Variants in PRDM16 observed in about 807,000 individuals in gnomAD.
The protein encoded by PRDM16 is histone-lysine N-methyltransferase PRDM16.
In PRDM16, 23 loss-of-function variants were observed where a neutral mutation model predicts 110.6. That is an observed-to-expected ratio of 0.21 (90% CI 0.15 to 0.29). PRDM16 has a LOEUF of 0.29. Ranked by LOEUF, PRDM16 falls within the 10% of genes least tolerant of loss-of-function variation. The pLI is 1.00. For missense variants in PRDM16, 1,615 were observed against 1,794.3 expected (o/e 0.90, Z 1.81); for synonymous variants, 799 against 781.8 (o/e 1.02, Z -0.37).
At chr1:3,389,639 T>C (rs917065885) in intron 4 of PRDM16, among the ~76,000 whole-genome samples, 4 of 151,976 alleles carry the variant, frequency 2.6e-5, no homozygotes, top group African/African-American at 9.7e-5. Flanking sequence ...GGACTTGTGG[T>C]TTTCTATTTG....
At chr1:3,256,812 G>A (rs932518146) in intron 3 of PRDM16, among the ~76,000 whole-genome samples, 78 of 152,192 alleles carry the variant, frequency 5.1e-4, no homozygotes, top group African/African-American at 1.8e-3. Flanking sequence ...AGCCGAGATG[G>A]CACCACTGCA....
intron 1 of PRDM16, among the ~76,000 whole-genome samples, chr1:3,160,236 A>G (rs1643887279): frequency 6.6e-6 from 1 of 152,134 alleles, no homozygotes; most frequent in African/African-American, 2.4e-5. Context: ...TGTCGATTGA[A>G]TGGGCTGGGC....
chr1:3,197,492 G>A (rs1638509707), intron 2 of PRDM16, among the ~76,000 whole-genome samples: 1 of 152,266 alleles, frequency 6.6e-6, no homozygotes, highest in African/African-American at 2.4e-5. Flanking sequence ...ATTCACCTCT[G>A]GTGCCTGCAC....
intron 4 of PRDM16, 32 bp from the exon 5 acceptor site, chr1:3,396,459 C>A (rs771738452): frequency 1.6e-6 from 2 of 1,253,304 alleles, no homozygotes; most frequent in Admixed American, 1.9e-5. Context: ...ACAAACCACA[C>A]TCACCCTTTC....
At chr1:3,211,731 TC>T (rs1180855725) in intron 2 of PRDM16, among the ~76,000 whole-genome samples, 1 of 152,140 alleles carries the variant, frequency 6.6e-6, no homozygotes, top group African/African-American at 2.4e-5. Flanking sequence ...CCGGCCTGGG[TC>T]CTCAGAGGAG....
At chr1:3,284,654 T>G (rs1640806299) in intron 3 of PRDM16, among the ~76,000 whole-genome samples, 1 of 152,228 alleles carries the variant, frequency 6.6e-6, no homozygotes, top group Non-Finnish European at 1.5e-5. Flanking sequence ...ACAGATCATC[T>G]TCAGATAGAC....
intron 2 of PRDM16, among the ~76,000 whole-genome samples, chr1:3,198,289 C>A (rs1638531738): frequency 6.6e-6 from 1 of 152,224 alleles, no homozygotes; most frequent in South Asian, 2.1e-4. Context: ...ATCTGAGTGC[C>A]TTAGAGAAGG....
At chr1:3,427,483 A>G (rs578144408) in intron 14 of PRDM16, among the ~76,000 whole-genome samples, 1 of 152,214 alleles carries the variant, frequency 6.6e-6, no homozygotes, top group South Asian at 2.1e-4. Context: ...CACCTCCAGT[A>G]GGTGAAGAAG....
chr1:3,425,738 G>A lies in PRDM16; in HGVS notation c.3097G>A (p.Glu1033Lys), dbSNP rs554867627. The A allele has an allele frequency of 2.2e-5, 35 of 1,613,616 alleles. No individual in the cohort carries two copies. The highest frequency in any genetic ancestry group is 9.3e-5 in the African/African-American group (7 of 75,038). Residue 1033 changes from glutamate to lysine, a missense_variant, in exon 13 of 17, where the codon GAG becomes AAG. By Grantham distance (56) the Glu-to-Lys change is moderately conservative (BLOSUM62 1). Transcript: ENST00000270722. This position sits in a 1 kb window ranked among gnomAD's most constrained non-coding sequence, Gnocchi z 6.9. ...CCGGCACCTCAAGAAGCACGAGCAC[G>A]AGAACGCACCAGGTGGGCCACGCGG... ...LDRHLKKHEH[E>K]NAPVSQHPGV... is the part of the protein sequence containing the mutation.
intron 1 of PRDM16, among the ~76,000 whole-genome samples, chr1:3,177,064 C>T (rs1644099538): frequency 6.6e-6 from 1 of 152,210 alleles, no homozygotes; most frequent in African/African-American, 2.4e-5. Flanking sequence ...TCCATCCACT[C>T]ATGTATCTAT....
intron 3 of PRDM16, among the ~76,000 whole-genome samples, chr1:3,289,237 T>C (rs1640920568): frequency 6.6e-6 from 1 of 152,204 alleles, no homozygotes; most frequent in Non-Finnish European, 1.5e-5. Flanking sequence ...GGACCAGGGC[T>C]GCTGAGACTG....
intron 3 of PRDM16, among the ~76,000 whole-genome samples, chr1:3,267,474 G>T (rs1640321735): frequency 1.3e-5 from 2 of 152,164 alleles, no homozygotes; most frequent in South Asian, 4.1e-4. Flanking sequence ...TGTTGCTCTG[G>T]GTACGTGTGT....
intron 3 of PRDM16, among the ~76,000 whole-genome samples, chr1:3,277,774 CACGCACACAT>C (rs1189392171): frequency 7.2e-5 from 8 of 111,238 alleles, no homozygotes; most frequent in African/African-American, 2.9e-4. Context: ...CGCGCACACA[CACGCACACAT>C]ATGCACACAC....
rs1638464100 is a variant in PRDM16 at position 3,422,344 on chromosome 1, T to C, written c.2940-3237T>C. Among the ~76,000 whole-genome samples, 12 of 147,234 alleles carry C rather than the reference T, an allele frequency of 8.2e-5. 1 individual carries two copies. The highest frequency in any genetic ancestry group is 8.0e-4 in the Admixed American group (12 of 14,926). On this transcript the variant is annotated intron_variant, in intron 12 of 16. Coordinates refer to ENST00000270722, the MANE Select transcript of PRDM16 (RefSeq NM_022114.4). ...GCAGATGGACAGGCAGGAAGGCAGA[T>C]AGACAGACTGGCAAGCAGGCAGACT...
Position 3,411,517 on chromosome 1 carries a change from G to A in PRDM16, c.1320G>A (p.Lys440=). The A allele has an allele frequency of 6.2e-7, 1 of 1,614,180 alleles. No individual in the cohort carries two copies. Among genetic ancestry groups the A allele is most frequent in the Non-Finnish European group, 8.5e-7 (1 of 1,180,032 alleles). The change falls in exon 9 of 17, where the codon AAG becomes AAA. Residue 440 remains lysine, a synonymous_variant. Coordinates refer to ENST00000270722, the MANE Select transcript of PRDM16 (RefSeq NM_022114.4). ...TCAGCACTACCTCCTCCCTCAACAA[G>A]CACCGGCGCTTCTGCGAGGGCAAGA... ...QMFSTTSSLN[K]HRRFCEGKNH...
intron 1 of PRDM16, among the ~76,000 whole-genome samples, chr1:3,125,644 T>G (rs1000702186): frequency 6.6e-6 from 1 of 152,246 alleles, no homozygotes; most frequent in Admixed American, 6.5e-5. Flanking sequence ...TTTAATTTTT[T>G]AAGGGAAGAA....
intron 2 of PRDM16, among the ~76,000 whole-genome samples, chr1:3,212,601 T>C: frequency 6.8e-6 from 1 of 147,048 alleles, no homozygotes; most frequent in African/African-American, 2.5e-5. Context: ...CCGCTCATCC[T>C]CCCGGCCCCC....
chr1:3,160,626 G>A (rs1194535009), intron 1 of PRDM16, among the ~76,000 whole-genome samples: 1 of 152,200 alleles, frequency 6.6e-6, no homozygotes, highest in African/African-American at 2.4e-5. Context: ...TCTGGACATG[G>A]TCTGGGTGAG....
chr1:3,131,172 C>T (rs1158263532), intron 1 of PRDM16, among the ~76,000 whole-genome samples: 1 of 152,134 alleles, frequency 6.6e-6, no homozygotes, highest in East Asian at 1.9e-4. Flanking sequence ...TCCTGATGAT[C>T]CATATCAAAT....
Sources: allele counts gnomAD v4.1 joint callset (sites outside exome capture counted in the v4.1 genomes callset), GRCh38; gene constraint gnomAD v4.1.1; non-coding constraint Gnocchi (gnomAD v3.1); transcripts MANE v1.5; gene names NCBI Gene and HGNC (gene_info 2026-07-23, HGNC 2026-07-21).